The following MATN3 variants were observed in gnomAD, a reference collection of about 807,000 sequenced individuals.
MATN3 encodes the protein matrilin-3.
In MATN3, 48 loss-of-function variants were observed where a neutral mutation model predicts 45.3. The ratio of observed to expected loss-of-function variants is 1.06; its 90% confidence interval spans 0.84 to 1.35. The LOEUF is 1.35. MATN3 is among the 40% of genes most tolerant of loss of function. The pLI is 0.00. For missense variants in MATN3, 599 were observed against 628.0 expected (o/e 0.95, Z 0.49); for synonymous variants, 217 against 245.9 (o/e 0.88, Z 1.10).
At chr2:20,000,348 T>TTA (rs1672960525) in intron 5 of MATN3, 93 bp downstream of exon 5, 1 of 1,165,784 alleles carries the variant, frequency 8.6e-7, no homozygotes, top group Non-Finnish European at 1.2e-6. Context: ...ACCTTGATCT[T>TTA]AAGTTACCTT....
Position 20,000,541 on chromosome 2 carries a change from G to A in MATN3, c.1068C>T (p.Thr356=). The A allele has an allele frequency of 6.2e-7, 1 of 1,610,126 alleles. No individual in the cohort carries two copies. Among genetic ancestry groups the A allele is most frequent in the Non-Finnish European group, 8.5e-7 (1 of 1,178,618 alleles). Residue 356 remains threonine, a synonymous_variant, in exon 5 of 8, where the codon ACC becomes ACT. Transcript: ENST00000407540. ...TCACACAAATGTGCTGACACCCATGGGTACCCAAAGCACATTTATCTTGAG... is the reference window on the plus strand; with the variant it reads ...TCACACAAATGTGCTGACACCCATGAGTACCCAAAGCACATTTATCTTGAG... The part of the protein sequence containing the change: ...CSAQDKCALG[T]HGCQHICVND...
intron 1 of MATN3, among the ~76,000 whole-genome samples, chr2:20,010,353 C>T (rs541518048): frequency 8.5e-5 from 13 of 152,190 alleles, no homozygotes; most frequent in Admixed American, 6.5e-4. Context: ...TTATTCACAC[C>T]GAATCCTCTA....
At chr2:20,005,667 T>G in intron 2 of MATN3, 77 bp downstream of exon 2, 1 of 1,056,826 alleles carries the variant, frequency 9.5e-7, no homozygotes, top group African/African-American at 1.8e-5. Context: ...CAAAAAAGAA[T>G]AATACTCTTT....
chr2:20,007,173 A>T (rs1005403996), intron 1 of MATN3, among the ~76,000 whole-genome samples: 4 of 151,514 alleles, frequency 2.6e-5, no homozygotes, highest in African/African-American at 9.7e-5. Context: ...ACGCCACTGC[A>T]CTCCAGCCTG....
intron 6 of MATN3, 61 bp downstream of exon 6, chr2:19,997,073 A>C: frequency 1.3e-6 from 2 of 1,577,466 alleles, no homozygotes; most frequent in South Asian, 2.3e-5. Context: ...CAGAAAGAAA[A>C]AAGCTTGCTC....
At chr2:19,997,354 CA>C in intron 5 of MATN3, 95 bp from the exon 6 acceptor site, 3 of 1,352,744 alleles carry the variant, frequency 2.2e-6, no homozygotes, top group Middle Eastern at 1.9e-4. Context: ...TTGGTCCCCA[CA>C]AGTGCTGAGA....
At chr2:20,004,769 A>T (rs1225574052) in intron 2 of MATN3, among the ~76,000 whole-genome samples, 1 of 152,188 alleles carries the variant, frequency 6.6e-6, no homozygotes, top group Non-Finnish European at 1.5e-5. Context: ...ATCATCAGAG[A>T]TCAATAAATG....
In MATN3 at chr2:20,000,198, C is replaced by T. The variant is rs550139514; in HGVS notation, c.1168+243G>A. On this transcript the variant is annotated intron_variant, in intron 5 of 7. Coordinates refer to ENST00000407540, the MANE Select transcript of MATN3 (RefSeq NM_002381.5). ...AAAATTTTCCTGGATAAGGACCCTA[C>T]ATTTAGTTAGTTTTTCTCATATCCC... Among the ~76,000 whole-genome samples, 18 of 152,308 alleles carry T rather than the reference C, an allele frequency of 1.2e-4. 2 individuals carry two copies. In the South Asian group the frequency reaches 1.2e-3, roughly 11 times the overall value.
intron 6 of MATN3, among the ~76,000 whole-genome samples, chr2:19,994,653 G>T (rs1233975003): frequency 1.3e-5 from 2 of 152,100 alleles, no homozygotes; most frequent in Non-Finnish European, 2.9e-5. Flanking sequence ...CTTAAGTGAG[G>T]GTTCCTTATT....
In MATN3 at chr2:19,992,959, T is replaced by A. The variant is rs1188181385; in HGVS notation, c.*152A>T. On this transcript the variant is annotated 3_prime_UTR_variant, in exon 8 of 8. Transcript: ENST00000407540. ...AGAATCATGCTGATTCTGCAGAAGA[T>A]CTTCATACAATTTATCCAGTAATAT... 10 of 650,806 alleles carry A rather than the reference T, an allele frequency of 1.5e-5. No individual in the cohort carries two copies. Among genetic ancestry groups the A allele is most frequent in the Non-Finnish European group, 2.7e-5 (10 of 370,144 alleles). The allele number at this position is 650,806 out of a possible 1,614,324, so 40.3% of individuals were successfully genotyped here. A position where few individuals can be genotyped will look rare whatever the true frequency, so the allele number is the denominator to read the frequency against.
At chr2:20,011,845 T>G (rs1023782026) in intron 1 of MATN3, among the ~76,000 whole-genome samples, 8 of 152,228 alleles carry the variant, frequency 5.3e-5, no homozygotes, top group Non-Finnish European at 1.0e-4. Context: ...GCTTCAGGAA[T>G]CAATTGCTGA....
intron 1 of MATN3, among the ~76,000 whole-genome samples, chr2:20,009,164 G>T (rs984410321): frequency 5.3e-5 from 8 of 149,674 alleles, no homozygotes; most frequent in Non-Finnish European, 1.2e-4. Flanking sequence ...AGTCAAGGCT[G>T]CAGTGAGCCA....
chr2:20,000,429 A>G lies in MATN3; in HGVS notation c.1168+12T>C. ...GACCCAAGTATGAAAGAATTTTTTG[A>G]GTGGATCTTACCTGAACATGTTTTT... On this transcript the variant is annotated intron_variant, in intron 5 of 7. Coordinates refer to ENST00000407540, the MANE Select transcript of MATN3 (RefSeq NM_002381.5). 2 of 1,586,956 alleles carry G rather than the reference A, an allele frequency of 1.3e-6. No individual in the cohort carries two copies. The highest frequency in any genetic ancestry group is 1.7e-6 in the Non-Finnish European group (2 of 1,169,782).
At position 20,000,505 on chromosome 2, in the gene MATN3, T is replaced by A. The variant is rs1279612500; in HGVS notation, c.1104A>T (p.Thr368=). The A allele has an allele frequency of 1.2e-6, 2 of 1,612,464 alleles. No individual in the cohort carries two copies. Among genetic ancestry groups the A allele is most frequent in the East Asian group, 4.5e-5 (2 of 44,852 alleles). ...CATAGCATTCACAATGATGGGACCCTGTTCTGTCATTCACACAAATGTGCT... is the reference window on the plus strand; with the variant it reads ...CATAGCATTCACAATGATGGGACCCAGTTCTGTCATTCACACAAATGTGCT... ...GCQHICVNDR[T]GSHHCECYEG... is the part of the protein sequence containing the mutation. Residue 368 remains threonine (T), a synonymous_variant, in exon 5 of 8, where the codon ACA becomes ACT. Transcript: ENST00000407540.
At position 19,995,186 on chromosome 2, in the gene MATN3, C is replaced by T. The variant is rs1171358284; in HGVS notation, c.1295-777G>A. ...TGAAAACTAGGGCCAGGCGCAGTGG[C>T]TCACACCTGTAATCCCAGGACTTTG... On this transcript the variant is annotated intron_variant, in intron 6 of 7. Transcript: ENST00000407540. The surrounding 1 kb of genome is among the most constrained non-coding windows in gnomAD (Gnocchi z 4.2). Among the ~76,000 whole-genome samples, 1 of 152,212 alleles carries T rather than the reference C, an allele frequency of 6.6e-6. No individual in the cohort carries two copies. Among genetic ancestry groups the T allele is most frequent in the Non-Finnish European group, 1.5e-5 (1 of 68,050 alleles).
At position 20,006,032 on chromosome 2, in the gene MATN3, T is replaced by A. The variant is rs759410098; in HGVS notation, c.502A>T (p.Thr168Ser). Residue 168 changes from threonine (T) to serine (S), a missense_variant, in exon 2 of 8, where the codon ACA becomes TCA. Transcript: ENST00000407540. Reference sequence around the variant, plus strand: ...ACTGTGAAGGCTTCGTCCATTGCTGTCTGGATGGCTAGGCCTGACATGGTG... The same window carrying A: ...ACTGTGAAGGCTTCGTCCATTGCTGACTGGATGGCTAGGCCTGACATGGTG... ...TGTMSGLAIQ[T>S]AMDEAFTVEA... 5.0e-6 allele frequency: 8 copies of A among 1,614,008 alleles called. No homozygotes were observed. Among genetic ancestry groups the A allele is most frequent in the Non-Finnish European group, 6.8e-6 (8 of 1,179,890 alleles).
At chr2:20,010,524 A>C (rs552145373) in intron 1 of MATN3, among the ~76,000 whole-genome samples, 4 of 152,342 alleles carry the variant, frequency 2.6e-5, no homozygotes, top group Non-Finnish European at 5.9e-5. Context: ...CAGTGAGTCA[A>C]TGTAATTATA....
At chr2:20,000,079 G>C (rs1672955794) in intron 5 of MATN3, among the ~76,000 whole-genome samples, 1 of 152,206 alleles carries the variant, frequency 6.6e-6, no homozygotes, top group South Asian at 2.1e-4. Flanking sequence ...ACTGGAAAAA[G>C]ATCAGTTCAT....
At chr2:19,996,132 A>T (rs1672860949) in intron 6 of MATN3, among the ~76,000 whole-genome samples, 1 of 152,150 alleles carries the variant, frequency 6.6e-6, no homozygotes, top group African/African-American at 2.4e-5. Context: ...GTAAACCTGG[A>T]TTGTAGAAAA....
Sources: gnomAD v4.1 joint callset for allele counts (sites outside exome capture counted in the v4.1 genomes callset) on GRCh38, gnomAD v4.1.1 for gene constraint, Gnocchi (gnomAD v3.1) non-coding constraint, MANE v1.5 for transcripts, NCBI Gene and HGNC (gene_info 2026-07-23, HGNC 2026-07-21) for gene names.